MSRA: variants seen among roughly 807,000 people sequenced by gnomAD.
MSRA encodes the protein mitochondrial peptide methionine sulfoxide reductase.
Under a neutral mutation model 31.3 loss-of-function variants are expected in MSRA, and 54 were observed. The observed-to-expected ratio is 1.73, with a 90% CI of 1.39 to 2.17. The LOEUF is 2.17. Among genes scored for constraint, MSRA ranks in the 30% most tolerant of loss-of-function variants. The pLI, the probability that MSRA is intolerant of heterozygous loss-of-function variation, is 0.00. For missense variants in MSRA, 507 were observed against 300.9 expected, an observed-to-expected ratio of 1.69 and a Z score of -5.07; for synonymous variants, 169 against 116.5, an observed-to-expected ratio of 1.45 and a Z score of -2.90.
intron 1 of MSRA, among the ~76,000 whole-genome samples, chr8:10,197,513 G>A (rs952613320): frequency 6.6e-6 from 1 of 152,120 alleles, no homozygotes; most frequent in African/African-American, 2.4e-5. Flanking sequence ...GGCTGGTGAA[G>A]GCTGGAGAGA....
chr8:10,261,846 C>G (rs1370027194), intron 3 of MSRA, among the ~76,000 whole-genome samples: 1 of 152,184 alleles, frequency 6.6e-6, no homozygotes, highest in Non-Finnish European at 1.5e-5. Flanking sequence ...TAAAGATTCC[C>G]TGCGCTCCAC....
intron 2 of MSRA, among the ~76,000 whole-genome samples, chr8:10,242,132 A>G (rs1453455062): frequency 6.6e-6 from 1 of 152,106 alleles, no homozygotes; most frequent in Non-Finnish European, 1.5e-5. Context: ...TTAGCCGGGC[A>G]TGGTAGTACG....
At chr8:10,103,200 T>A (rs557140066) in intron 1 of MSRA, among the ~76,000 whole-genome samples, 5 of 152,186 alleles carry the variant, frequency 3.3e-5, no homozygotes, top group Admixed American at 6.5e-5. Context: ...ATCAGACTTT[T>A]GCAACTTATT....
chr8:10,321,096 A>C (rs1175697952), intron 5 of MSRA, among the ~76,000 whole-genome samples: 1 of 152,204 alleles, frequency 6.6e-6, no homozygotes, highest in Non-Finnish European at 1.5e-5. Context: ...ACATGATATC[A>C]CAAAATAATT....
chr8:10,270,544 C>G (rs1012674158), intron 3 of MSRA, among the ~76,000 whole-genome samples: 1 of 152,102 alleles, frequency 6.6e-6, no homozygotes, highest in African/African-American at 2.4e-5. Context: ...GCCCAGGATG[C>G]TCATAAGGAC....
At chr8:10,198,350 A>T (rs1808179570) in intron 1 of MSRA, among the ~76,000 whole-genome samples, 1 of 151,896 alleles carries the variant, frequency 6.6e-6, no homozygotes, top group Admixed American at 6.5e-5. Flanking sequence ...TTCCCCACTC[A>T]ACTCCATATA....
chr8:10,091,307 A>T (rs1325229371), intron 1 of MSRA, among the ~76,000 whole-genome samples: 1 of 152,258 alleles, frequency 6.6e-6, no homozygotes, highest in Non-Finnish European at 1.5e-5. Flanking sequence ...GGTGTATAAC[A>T]TATTTGCAAA....
At chr8:10,305,882 T>G (rs1416824654) in intron 4 of MSRA, among the ~76,000 whole-genome samples, 1 of 152,332 alleles carries the variant, frequency 6.6e-6, no homozygotes, top group Admixed American at 6.5e-5. Flanking sequence ...ATGACAGACA[T>G]GCTAGCATCA....
In MSRA at chr8:10,349,767, G is replaced by A. The variant is rs981589265; in HGVS notation, c.543+29778G>A. Among the ~76,000 whole-genome samples, 6 of 152,194 alleles carry A rather than the reference G, an allele frequency of 3.9e-5. No homozygotes were observed. In the East Asian group the frequency reaches 1.2e-3, roughly 29 times the overall value. ...GAGGCTCTTTTAGGTCTAAGAAAAC[G>A]GCCATCTCCCCGTTGCTGTTTTGGC... is the stretch of plus-strand genomic sequence containing the variant. On this transcript the variant is annotated intron_variant, in intron 5 of 5. Coordinates refer to ENST00000317173, the MANE Select transcript of MSRA (RefSeq NM_012331.5).
intron 5 of MSRA, among the ~76,000 whole-genome samples, chr8:10,405,132 C>T (rs568074124): frequency 6.6e-6 from 1 of 152,326 alleles, no homozygotes; most frequent in Non-Finnish European, 1.5e-5. Flanking sequence ...AGCCTGTTCT[C>T]TTCACAAAAT....
intron 5 of MSRA, among the ~76,000 whole-genome samples, chr8:10,394,545 G>A (rs2001364): frequency 2.0e-5 from 3 of 152,284 alleles, no homozygotes; most frequent in Admixed American, 2.0e-4. Context: ...TTGATTCCCT[G>A]AGCAGCTCTG....
At chr8:10,318,478 A>G (rs1801853080) in intron 4 of MSRA, among the ~76,000 whole-genome samples, 1 of 152,152 alleles carries the variant, frequency 6.6e-6, no homozygotes, top group Non-Finnish European at 1.5e-5. Flanking sequence ...GACACACACG[A>G]ATTCTTTCTG....
chr8:10,310,965 A>G (rs188048262), intron 4 of MSRA, among the ~76,000 whole-genome samples: 2 of 152,392 alleles, frequency 1.3e-5, no homozygotes, highest in Admixed American at 6.5e-5. Context: ...ACTTTTAGCC[A>G]GGAAGAGTTT....
At chr8:10,351,461 C>G (rs575519170) in intron 5 of MSRA, among the ~76,000 whole-genome samples, 3 of 152,072 alleles carry the variant, frequency 2.0e-5, no homozygotes, top group African/African-American at 7.2e-5. Flanking sequence ...ACCATGTTGA[C>G]CAGGATGGTC....
At chr8:10,257,973 A>T (rs1237241405) in intron 3 of MSRA, among the ~76,000 whole-genome samples, 5 of 152,210 alleles carry the variant, frequency 3.3e-5, no homozygotes, top group Admixed American at 2.6e-4. Flanking sequence ...GCCTTTACAT[A>T]TGAGCTTGGA....
chr8:10,229,787 T>G (rs1811309923), intron 2 of MSRA, among the ~76,000 whole-genome samples: 1 of 152,218 alleles, frequency 6.6e-6, no homozygotes, highest in Non-Finnish European at 1.5e-5. Context: ...GATGGAAATA[T>G]GCCCCATTCA....
chr8:10,254,885 G>A lies in MSRA; in HGVS notation c.331+9662G>A, dbSNP rs184060865. On this transcript the variant is annotated intron_variant, in intron 3 of 5. Transcript: ENST00000317173. ...AAAAATAATCTAGAGATCTGGAAGCGTTTAGATGGATGTGATCTACAGAAA... is the reference window on the plus strand; with the variant it reads ...AAAAATAATCTAGAGATCTGGAAGCATTTAGATGGATGTGATCTACAGAAA... Among the ~76,000 whole-genome samples, 208 of 152,332 alleles carry A rather than the reference G, an allele frequency of 1.4e-3. 2 individuals are homozygous for A. Among genetic ancestry groups the A allele is most frequent in the Admixed American group, 0.013 (197 of 15,296 alleles).
intron 1 of MSRA, among the ~76,000 whole-genome samples, chr8:10,202,266 T>A: frequency 6.6e-6 from 1 of 152,242 alleles, no homozygotes; most frequent in East Asian, 1.9e-4. Context: ...TGAGAAAATG[T>A]CTTTAAAAAC....
At chr8:10,125,280 T>C (rs1169554195) in intron 1 of MSRA, among the ~76,000 whole-genome samples, 2 of 152,206 alleles carry the variant, frequency 1.3e-5, no homozygotes, top group African/African-American at 4.8e-5. Flanking sequence ...TACTGGGACA[T>C]CCATATGACT....
Sources: allele counts gnomAD v4.1 joint callset (sites outside exome capture counted in the v4.1 genomes callset), GRCh38; gene constraint gnomAD v4.1.1; transcripts MANE v1.5; gene names NCBI Gene and HGNC (gene_info 2026-07-23, HGNC 2026-07-21).